Variants in MCC observed in about 807,000 individuals in gnomAD.
MCC encodes the protein MCC regulator of Wnt signaling pathway.
MCC carries 90 observed loss-of-function variants against 116.2 expected under a neutral mutation model. The ratio of observed to expected loss-of-function variants is 0.77; its 90% CI spans 0.65 to 0.92. MCC has a LOEUF of 0.92. Ranked by LOEUF, MCC falls within the 40% of genes least tolerant of loss-of-function variation. The pLI is 0.00. For synonymous variants in MCC, 578 were observed against 510.5 expected, an observed-to-expected ratio of 1.13 and a Z score of -1.78; for missense variants, 1,516 against 1,312.2, an observed-to-expected ratio of 1.16 and a Z score of -2.40.
At chr5:113,407,382 C>A (rs546763940) in intron 1 of MCC, among the ~76,000 whole-genome samples, 1 of 152,124 alleles carries the variant, frequency 6.6e-6, no homozygotes, top group Non-Finnish European at 1.5e-5. Flanking sequence ...AGGGTGAAAT[C>A]CTACCTTTGC....
intron 18 of MCC, among the ~76,000 whole-genome samples, chr5:113,028,260 G>A (rs1750704766): frequency 6.6e-6 from 1 of 152,170 alleles, no homozygotes; most frequent in Non-Finnish European, 1.5e-5. Context: ...GTTGACTACA[G>A]AAGCAAATGT....
chr5:113,083,062 G>A lies in MCC; in HGVS notation c.1636-54C>T. 2.0e-6 allele frequency: 3 copies of A among 1,528,512 alleles called. No homozygotes were observed. In the South Asian group the frequency reaches 3.6e-5, roughly 19 times the overall value. 94.7% of individuals were successfully genotyped at this position (1,528,512 alleles called of 1,614,324 possible). ...GGAACATATCATTTCAGAGATGCAT[G>A]TTTTGCATGCAAAAGAATTTAAAGC... On this transcript the variant is annotated intron_variant, in intron 10 of 18. Transcript: ENST00000408903.
chr5:113,069,769 G>C (rs1316956407), intron 12 of MCC, among the ~76,000 whole-genome samples: 1 of 151,912 alleles, frequency 6.6e-6, no homozygotes, highest in African/African-American at 2.4e-5. Context: ...TGTATTTTTA[G>C]TAGCGACGGG....
chr5:113,193,102 A>C (rs1419138911), intron 3 of MCC, among the ~76,000 whole-genome samples: 2 of 152,154 alleles, frequency 1.3e-5, no homozygotes, highest in Non-Finnish European at 2.9e-5. Flanking sequence ...TGGCCCCTTC[A>C]TATTCAAGGC....
chr5:113,068,219 A>G (rs1753761791), intron 12 of MCC, 36 bp from the exon 13 acceptor site: 1 of 1,528,894 alleles, frequency 6.5e-7, no homozygotes, highest in African/African-American at 1.4e-5. Context: ...GCCCTTGCAG[A>G]GAACAGCGGA....
intron 3 of MCC, among the ~76,000 whole-genome samples, chr5:113,338,355 T>TC (rs1398614002): frequency 6.6e-6 from 1 of 152,052 alleles, no homozygotes; most frequent in Non-Finnish European, 1.5e-5. Flanking sequence ...GTGCCTTGAC[T>TC]CCCCTGAAGA....
At chr5:113,459,833 C>CACACACACAT in intron 1 of MCC, among the ~76,000 whole-genome samples, 1 of 116,858 alleles carries the variant, frequency 8.6e-6, no homozygotes, top group South Asian at 2.7e-4. Context: ...AAAACACACA[C>CACACACACAT]ACACACACAC....
intron 3 of MCC, among the ~76,000 whole-genome samples, chr5:113,182,006 C>T (rs908275391): frequency 4.6e-5 from 7 of 152,164 alleles, no homozygotes; most frequent in Non-Finnish European, 1.0e-4. Context: ...CCCTGATGTG[C>T]TAACATGGAG....
At chr5:113,364,465 A>G (rs976203128) in intron 2 of MCC, among the ~76,000 whole-genome samples, 5 of 152,134 alleles carry the variant, frequency 3.3e-5, no homozygotes, top group Admixed American at 2.0e-4. Context: ...GGCTACTTTC[A>G]TGGGCTGGCA....
intron 12 of MCC, 34 bp from the exon 13 acceptor site, chr5:113,068,217 A>G: frequency 6.5e-7 from 1 of 1,548,892 alleles, no homozygotes; most frequent in Non-Finnish European, 8.9e-7. Context: ...CAGCCCTTGC[A>G]GAGAACAGCG....
chr5:113,246,153 T>C (rs1764567440), intron 3 of MCC, among the ~76,000 whole-genome samples: 1 of 152,216 alleles, frequency 6.6e-6, no homozygotes, highest in Admixed American at 6.5e-5. Context: ...GACAAGAGCC[T>C]GTAGCCAGAA....
intron 2 of MCC, among the ~76,000 whole-genome samples, chr5:113,350,386 T>C (rs1191349049): frequency 6.6e-6 from 1 of 151,942 alleles, no homozygotes; most frequent in Non-Finnish European, 1.5e-5. Context: ...CAGAAACAAG[T>C]CCACACACTT....
Position 113,179,202 on chromosome 5 carries a change from T to C in MCC, c.628-27780A>G, listed in dbSNP as rs1003831627. 2.6e-5 allele frequency among the ~76,000 whole-genome samples: 4 copies of C among 152,304 alleles called. No individual in the cohort carries two copies. The East Asian group carries it at 7.7e-4, about 29-fold the overall frequency. Reference sequence around the variant, plus strand: ...AAGCCAGTGCTCTCTGCTGTCCATATAGCACCATTAATCTTATGAACAGTA... The same window carrying C: ...AAGCCAGTGCTCTCTGCTGTCCATACAGCACCATTAATCTTATGAACAGTA... On this transcript the variant is annotated intron_variant, in intron 3 of 18. Transcript: ENST00000408903.
chr5:113,191,813 C>T (rs1289421377), intron 3 of MCC, among the ~76,000 whole-genome samples: 1 of 152,144 alleles, frequency 6.6e-6, no homozygotes, highest in Non-Finnish European at 1.5e-5. Context: ...AGGCCAAAGG[C>T]TTTAACACCT....
chr5:113,249,194 A>G (rs1764697435), intron 3 of MCC, among the ~76,000 whole-genome samples: 1 of 151,914 alleles, frequency 6.6e-6, no homozygotes, highest in Non-Finnish European at 1.5e-5. Flanking sequence ...CTGTCTGTGG[A>G]TCCAGAAACA....
At chr5:113,033,670 G>A (rs1312517411) in intron 17 of MCC, among the ~76,000 whole-genome samples, 1 of 152,166 alleles carries the variant, frequency 6.6e-6, no homozygotes, top group Non-Finnish European at 1.5e-5. Flanking sequence ...TCCTGGAATG[G>A]CCAGAAATAC....
In MCC at chr5:113,390,341, T is replaced by C. The variant is rs140407089; in HGVS notation, c.171-5129A>G. On this transcript the variant is annotated intron_variant, in intron 1 of 18. Coordinates refer to ENST00000408903, the MANE Select transcript of MCC (RefSeq NM_001085377.2). ...CATGCACATATATCTTATCTTCAGA[T>C]GATATCATCATAACATGAGAAAGAA... 2.7e-3 allele frequency among the ~76,000 whole-genome samples: 412 copies of C among 152,314 alleles called. 2 individuals are homozygous for C. The highest frequency in any genetic ancestry group is 9.6e-3 in the African/African-American group (399 of 41,570).
At chr5:113,216,724 T>A (rs1763332762) in intron 3 of MCC, among the ~76,000 whole-genome samples, 1 of 152,224 alleles carries the variant, frequency 6.6e-6, no homozygotes, top group Admixed American at 6.5e-5. Flanking sequence ...TTCTTTTGTA[T>A]CAGTTTTGAC....
intron 1 of MCC, among the ~76,000 whole-genome samples, chr5:113,422,238 C>T (rs1040153889): frequency 6.6e-6 from 1 of 151,636 alleles, no homozygotes; most frequent in Non-Finnish European, 1.5e-5. Context: ...AGTGAGGAGA[C>T]TGATTAGAGA....
Sources: allele counts gnomAD v4.1 joint callset (sites outside exome capture counted in the v4.1 genomes callset), GRCh38; gene constraint gnomAD v4.1.1; transcripts MANE v1.5; gene names NCBI Gene and HGNC (gene_info 2026-07-23, HGNC 2026-07-21).